The following XRCC5 variants were observed in gnomAD, a reference collection of about 807,000 sequenced individuals.
The protein encoded by XRCC5 is DNA repair protein Ku80.
In XRCC5, 12 loss-of-function variants were observed where a neutral mutation model predicts 95.7. The observed-to-expected ratio is 0.13, with a 90% confidence interval of 0.08 to 0.20. The LOEUF (loss-of-function observed/expected upper bound fraction) is 0.20. Among genes scored for constraint, XRCC5 ranks in the 10% least tolerant of loss-of-function variants. The probability of loss-of-function intolerance (pLI) is 1.00; values close to 1 mark genes in which losing one functional copy is unlikely to be tolerated. For missense variants in XRCC5, 595 were observed against 873.9 expected, an observed-to-expected ratio of 0.68 and a Z score of 4.02; for synonymous variants, 281 against 290.3, an observed-to-expected ratio of 0.97 and a Z score of 0.33.
intron 19 of XRCC5, among the ~76,000 whole-genome samples, chr2:216,200,644 T>C (rs190504908): frequency 6.6e-6 from 1 of 152,146 alleles, no homozygotes. Context: ...ATAGAACATT[T>C]CCATCACCAC....
At chr2:216,174,699 A>G (rs965267628) in intron 16 of XRCC5, among the ~76,000 whole-genome samples, 3 of 152,212 alleles carry the variant, frequency 2.0e-5, no homozygotes, top group Non-Finnish European at 4.4e-5. Flanking sequence ...AACTGTGGCT[A>G]TGATAGTCCT....
chr2:216,146,654 A>G (rs1490569140), intron 13 of XRCC5, among the ~76,000 whole-genome samples: 2 of 152,208 alleles, frequency 1.3e-5, no homozygotes, highest in Non-Finnish European at 2.9e-5. Flanking sequence ...ACTGCTTTCT[A>G]TACTCCTTTT....
At chr2:216,119,406 C>T (rs1331411255) in intron 5 of XRCC5, among the ~76,000 whole-genome samples, 1 of 152,178 alleles carries the variant, frequency 6.6e-6, no homozygotes, top group Non-Finnish European at 1.5e-5. Flanking sequence ...AGCTTAGTGG[C>T]AGATCATTGT....
At chr2:216,175,058 C>T in intron 16 of XRCC5, 1 of 314,078 alleles carries the variant, frequency 3.2e-6, no homozygotes, top group South Asian at 3.3e-5. Context: ...TAGTTCCCAC[C>T]ACCACCATAG....
intron 17 of XRCC5, among the ~76,000 whole-genome samples, chr2:216,191,089 G>A (rs1321208844): frequency 6.6e-6 from 1 of 152,188 alleles, no homozygotes; most frequent in Non-Finnish European, 1.5e-5. Flanking sequence ...AACAGATTCA[G>A]AAGTAGATAA....
At chr2:216,116,446 T>G (rs1696698828) in intron 2 of XRCC5, among the ~76,000 whole-genome samples, 1 of 152,152 alleles carries the variant, frequency 6.6e-6, no homozygotes, top group South Asian at 2.1e-4. Flanking sequence ...TCTGCTGAAA[T>G]GAAGGGTGAG....
chr2:216,141,113 T>G, intron 12 of XRCC5, 73 bp from the exon 13 acceptor site: 1 of 1,575,288 alleles, frequency 6.3e-7, no homozygotes, highest in South Asian at 1.1e-5. Flanking sequence ...CGTGGATATC[T>G]CTACGTAGAA....
intron 16 of XRCC5, among the ~76,000 whole-genome samples, chr2:216,179,866 G>A (rs1423506662): frequency 1.3e-5 from 2 of 152,204 alleles, no homozygotes; most frequent in African/African-American, 2.4e-5. Context: ...GAGGAAAAGG[G>A]CAAGGTTGAG....
chr2:216,180,640 G>T (rs1171905281), intron 16 of XRCC5, among the ~76,000 whole-genome samples: 4 of 151,930 alleles, frequency 2.6e-5, no homozygotes, highest in Non-Finnish European at 4.4e-5. Flanking sequence ...AAGAATTCCT[G>T]GAGGAGGTTG....
chr2:216,169,836 G>A (rs1689122107), intron 16 of XRCC5, among the ~76,000 whole-genome samples: 2 of 149,538 alleles, frequency 1.3e-5, no homozygotes, highest in African/African-American at 5.0e-5. Context: ...AGGAGGTCAA[G>A]AGATTGAGAC....
chr2:216,204,145 C>T (rs1251606091), intron 19 of XRCC5, 177 bp from the exon 20 acceptor site: 9 of 669,372 alleles, frequency 1.3e-5, no homozygotes, highest in South Asian at 3.7e-5. Flanking sequence ...AACTGGGCCT[C>T]TCACCCAAAG....
At position 216,205,328 on chromosome 2, in the gene XRCC5, G is replaced by C; in HGVS notation, c.*126G>C. On this transcript the variant is annotated 3_prime_UTR_variant, in exon 21 of 21. Coordinates refer to ENST00000392132, the MANE Select transcript of XRCC5 (RefSeq NM_021141.4). The stretch of plus-strand genomic sequence containing the variant: ...TCAAGAAATTCCCAGCAGGTTACCT[G>C]GAGGCGGATCATCTAATTCTCTGTG... 9.0e-7 allele frequency: 1 copy of C among 1,110,314 alleles called. No homozygotes were observed. The highest frequency in any genetic ancestry group is 1.3e-5 in the South Asian group (1 of 79,884). The allele number at this position is 1,110,314 out of a possible 1,614,324, so 68.8% of individuals were successfully genotyped here.
chr2:216,141,227 A>G lies in XRCC5; in HGVS notation c.1384A>G (p.Ser462Gly). 1 of 1,614,168 alleles carries G rather than the reference A, an allele frequency of 6.2e-7. No homozygotes were observed. Among genetic ancestry groups the G allele is most frequent in the Non-Finnish European group, 8.5e-7 (1 of 1,180,000 alleles). ...TGTTGATGCTTTGATTGACTCCATG[A>G]GCTTGGCAAAGAAAGATGAGAAGAC... Reference protein sequence around the residue: ...NAVDALIDSMSLAKKDEKTDT... With the variant: ...NAVDALIDSMGLAKKDEKTDT... Residue 462 changes from serine to glycine, a missense_variant, in exon 13 of 21, where the codon AGC becomes GGC. Physicochemically the swap from Ser to Gly is moderately conservative, Grantham distance 56. This residue lies in a region of XRCC5 where 309 missense variants were observed against 382.9 expected (regional missense o/e 0.81). Coordinates refer to ENST00000392132, the MANE Select transcript of XRCC5 (RefSeq NM_021141.4).
chr2:216,113,681 A>C (rs1444446120), intron 2 of XRCC5, among the ~76,000 whole-genome samples: 2 of 152,220 alleles, frequency 1.3e-5, no homozygotes, highest in Non-Finnish European at 2.9e-5. Context: ...GCTCAACTGG[A>C]CCAGATGTCC....
At chr2:216,153,762 T>C (rs1036457085) in intron 14 of XRCC5, among the ~76,000 whole-genome samples, 8 of 152,216 alleles carry the variant, frequency 5.3e-5, no homozygotes, top group African/African-American at 1.7e-4. Context: ...CAAACTGTAA[T>C]GCCACTTTGC....
chr2:216,120,936 A>T (rs770219460), intron 5 of XRCC5, among the ~76,000 whole-genome samples: 3 of 152,056 alleles, frequency 2.0e-5, no homozygotes, highest in Non-Finnish European at 4.4e-5. Context: ...GGGTTTTACC[A>T]TGTTGGCCAG....
chr2:216,182,737 G>A (rs3770498), intron 16 of XRCC5, among the ~76,000 whole-genome samples: 5 of 152,070 alleles, frequency 3.3e-5, no homozygotes, highest in African/African-American at 7.2e-5. Flanking sequence ...AGTGTACTCC[G>A]TTGTAGAATT....
At position 216,141,441 on chromosome 2, in the gene XRCC5, A is replaced by G. The variant is rs2106014944; in HGVS notation, c.1476+122A>G. 3 of 901,420 alleles carry G rather than the reference A, an allele frequency of 3.3e-6. No individual in the cohort carries two copies. In the South Asian group the frequency reaches 6.7e-5, roughly 20 times the overall value. The allele number at this position is 901,420 out of a possible 1,614,324, so 55.8% of individuals were successfully genotyped here. A position where few individuals can be genotyped will look rare whatever the true frequency, so the allele number is the denominator to read the frequency against. ...TTTCTCTGAAGGCCCCATTTGCTCTATTTAATGGAAGAATAACATCTTCCT... is the reference window on the plus strand; with the variant it reads ...TTTCTCTGAAGGCCCCATTTGCTCTGTTTAATGGAAGAATAACATCTTCCT... On this transcript the variant is annotated intron_variant, in intron 13 of 20. Transcript: ENST00000392132.
chr2:216,184,677 C>T (rs938449767), intron 16 of XRCC5, among the ~76,000 whole-genome samples: 8 of 152,156 alleles, frequency 5.3e-5, no homozygotes, highest in Admixed American at 3.3e-4. Context: ...GACGGGGTTT[C>T]GCCATATTGG....
Sources: gnomAD v4.1 joint callset for allele counts (sites outside exome capture counted in the v4.1 genomes callset) on GRCh38, gnomAD v4.1.1 for gene constraint, gnomAD v4.1.1 regional missense constraint, MANE v1.5 for transcripts, NCBI Gene and HGNC (gene_info 2026-07-23, HGNC 2026-07-21) for gene names.